The following ESR1 variants were observed in gnomAD, a reference collection of about 807,000 sequenced individuals.
ESR1 encodes estrogen receptor.
ESR1 carries 12 observed loss-of-function variants against 52.7 expected under a neutral mutation model. That is an observed-to-expected ratio of 0.23 (90% confidence interval 0.15 to 0.37). The LOEUF (loss-of-function observed/expected upper bound fraction) is 0.37, where lower values mean the gene tolerates loss of function less well. Among genes scored for constraint, ESR1 ranks in the 10% least tolerant of loss-of-function variants. The probability of loss-of-function intolerance (pLI) is 1.00; values close to 1 mark genes in which losing one functional copy is unlikely to be tolerated. For synonymous variants in ESR1, 305 were observed against 316.8 expected (o/e 0.96, Z 0.39); for missense variants, 584 against 779.7 (o/e 0.75, Z 2.99).
At chr6:151,713,904 C>T (rs1356747731) in intron 2 of ESR1, among the ~76,000 whole-genome samples, 1 of 151,914 alleles carries the variant, frequency 6.6e-6, no homozygotes, top group Non-Finnish European at 1.5e-5. Flanking sequence ...TTTGCTCTTG[C>T]TTCTCTAGTT....
At chr6:151,739,962 G>A (rs922214714) in intron 2 of ESR1, among the ~76,000 whole-genome samples, 1 of 152,038 alleles carries the variant, frequency 6.6e-6, no homozygotes, top group Non-Finnish European at 1.5e-5. Flanking sequence ...CCATGTGAGG[G>A]GCAGCACACT....
chr6:151,938,073 T>C (rs1319950573), intron 3 of ESR1, among the ~76,000 whole-genome samples: 1 of 152,230 alleles, frequency 6.6e-6, no homozygotes, highest in Non-Finnish European at 1.5e-5. Context: ...AGTGTATTTC[T>C]TTGTCTTGCC....
chr6:151,665,315 G>T (rs1777780476), intron 1 of ESR1, among the ~76,000 whole-genome samples: 1 of 152,198 alleles, frequency 6.6e-6, no homozygotes, highest in South Asian at 2.1e-4. Context: ...GCTTCATGCA[G>T]TCCGCAGATT....
Position 151,880,759 on chromosome 6 carries a change from A to G in ESR1, c.748A>G (p.Met250Val). ...CRLRKCYEVGMMKGGIRKDRR... is the reference protein window; with the variant it reads ...CRLRKCYEVGVMKGGIRKDRR... ...GCTCCGTAAATGCTACGAAGTGGGA[A>G]TGATGAAAGGTGGTAGGTACATCTC... is the stretch of plus-strand genomic sequence containing the variant. Residue 250 changes from methionine (M) to valine (V), a missense_variant, in exon 3 of 8, where the codon ATG (methionine) becomes GTG (valine). Met to Val is a conservative substitution (Grantham distance 21). Transcript: ENST00000206249. The G allele has an allele frequency of 6.3e-7, 1 of 1,581,506 alleles. No individual in the cohort carries two copies.
At chr6:152,011,100 T>A (rs950464086) in intron 4 of ESR1, among the ~76,000 whole-genome samples, 1 of 152,134 alleles carries the variant, frequency 6.6e-6, no homozygotes, top group Non-Finnish European at 1.5e-5. Flanking sequence ...TCACCTTTTT[T>A]TCCATCTGAC....
intron 4 of ESR1, among the ~76,000 whole-genome samples, chr6:151,995,063 G>A (rs543487567): frequency 6.6e-6 from 1 of 152,202 alleles, no homozygotes; most frequent in South Asian, 2.1e-4. Flanking sequence ...AAGATACAAG[G>A]AGGGTGAGAC....
chr6:151,775,521 G>A (rs1785888178), intron 2 of ESR1, among the ~76,000 whole-genome samples: 1 of 152,092 alleles, frequency 6.6e-6, no homozygotes, highest in South Asian at 2.1e-4. Context: ...GCCGAAGCGG[G>A]CGGATCACAA....
intron 2 of ESR1, among the ~76,000 whole-genome samples, chr6:151,788,079 G>A (rs1477968856): frequency 6.6e-6 from 1 of 152,124 alleles, no homozygotes; most frequent in Non-Finnish European, 1.5e-5. Context: ...GATGACAAAA[G>A]CAATTGCAAC....
At position 152,094,469 on chromosome 6, in the gene ESR1, C is replaced by A. The variant is rs2152496177; in HGVS notation, c.1454C>A (p.Thr485Asn). 6.2e-7 allele frequency: 1 copy of A among 1,614,196 alleles called. No homozygotes were observed. The highest frequency in any genetic ancestry group is 1.3e-5 in the African/African-American group (1 of 75,052). Residue 485 changes from threonine (T) to asparagine (N), a missense_variant, in exon 7 of 8, where the codon ACT becomes AAT. Thr to Asn is a moderately conservative substitution (Grantham distance 65). Transcript: ENST00000206249. The surrounding 1 kb of genome is among the most constrained non-coding windows in gnomAD (Gnocchi z 4.6). ...CGAGTCCTGGACAAGATCACAGACA[C>A]TTTGATCCACCTGATGGCCAAGGCA... The part of the protein sequence containing the change: ...IHRVLDKITD[T>N]LIHLMAKAGL...
chr6:152,035,191 C>T (rs373935900), intron 5 of ESR1, among the ~76,000 whole-genome samples: 5 of 151,978 alleles, frequency 3.3e-5, no homozygotes, highest in African/African-American at 9.7e-5. Flanking sequence ...TGCTAATATA[C>T]AATCCCACCA....
chr6:151,912,200 C>A (rs1798368885), intron 3 of ESR1, among the ~76,000 whole-genome samples: 1 of 152,164 alleles, frequency 6.6e-6, no homozygotes, highest in South Asian at 2.1e-4. Context: ...AGAGAAACTT[C>A]AAAGCATTCA....
Position 152,101,536 on chromosome 6 carries a change from G to A in ESR1, c.*2570G>A, listed in dbSNP as rs749883593. 4.8e-5 allele frequency: 11 copies of A among 231,272 alleles called. No individual in the cohort carries two copies. Among genetic ancestry groups the A allele is most frequent in the South Asian group, 1.8e-4 (1 of 5,494 alleles). The allele number at this position is 231,272 out of a possible 1,614,324, so 14.3% of individuals were successfully genotyped here. A position where few individuals can be genotyped will look rare whatever the true frequency, so the allele number is the denominator to read the frequency against. On this transcript the variant is annotated 3_prime_UTR_variant, in exon 8 of 8. Transcript: ENST00000206249. ...AGAACATCAGATGATTGAAATGTTC[G>A]CCCAGGGGTCTCCAGCAACTTTGGA...
At chr6:151,836,137 G>A (rs569717586) in intron 1 of ESR1, among the ~76,000 whole-genome samples, 85 of 152,148 alleles carry the variant, frequency 5.6e-4, no homozygotes, top group Non-Finnish European at 9.4e-4. Flanking sequence ...AAGAAAGATA[G>A]GCAGAGTGTT....
chr6:151,913,490 T>C lies in ESR1; in HGVS notation c.761-30683T>C, dbSNP rs568421924. 2.0e-5 allele frequency among the ~76,000 whole-genome samples: 3 copies of C among 152,366 alleles called. No homozygotes were observed. In the South Asian group the frequency reaches 6.2e-4, roughly 32 times the overall value. ...TTAAATGTCACCCCATTTTGAATAGTAACATTCACTGGTGCAAGGAAGAAT... is the reference window on the plus strand; with the variant it reads ...TTAAATGTCACCCCATTTTGAATAGCAACATTCACTGGTGCAAGGAAGAAT... On this transcript the variant is annotated intron_variant, in intron 3 of 7. Coordinates refer to ENST00000206249, the MANE Select transcript of ESR1 (RefSeq NM_000125.4).
Position 151,673,955 on chromosome 6 carries a change from T to C in ESR1, n.73+17192T>C, listed in dbSNP as rs895492221. On this transcript the variant is annotated intron_variant and non_coding_transcript_variant, in intron 1 of 2. Transcript: ENST00000473497. ...ACACATCTATCTATCCACATTGTGC[T>C]TAATTTGGACTTTACAACCAAGTGA... 2.0e-5 allele frequency among the ~76,000 whole-genome samples: 3 copies of C among 152,336 alleles called. No individual in the cohort carries two copies. The East Asian group carries it at 5.8e-4, about 29-fold the overall frequency.
chr6:151,945,513 G>A (rs1026344056), intron 4 of ESR1, among the ~76,000 whole-genome samples: 6 of 152,188 alleles, frequency 3.9e-5, no homozygotes, highest in Admixed American at 3.9e-4. Flanking sequence ...ACTCAAGTTT[G>A]TATGGCAACA....
At chr6:151,787,278 A>T (rs1383223656) in intron 2 of ESR1, among the ~76,000 whole-genome samples, 1 of 152,138 alleles carries the variant, frequency 6.6e-6, no homozygotes, top group Non-Finnish European at 1.5e-5. Flanking sequence ...GGATAACATG[A>T]TGCTTCCAGC....
chr6:151,959,067 G>A (rs3823020), intron 4 of ESR1, among the ~76,000 whole-genome samples: 11,669 of 151,958 alleles, frequency 0.077, 1,025 homozygotes, highest in African/African-American at 0.21. Flanking sequence ...GAACAGAGTG[G>A]GATGAAGGGT....
At chr6:151,901,828 A>G (rs375399831) in intron 3 of ESR1, among the ~76,000 whole-genome samples, 2 of 152,210 alleles carry the variant, frequency 1.3e-5, no homozygotes, top group South Asian at 4.1e-4. Context: ...CTTCCTTCAC[A>G]GGGTCTGTGG....
Sources: allele counts gnomAD v4.1 joint callset (sites outside exome capture counted in the v4.1 genomes callset), GRCh38; gene constraint gnomAD v4.1.1; non-coding constraint Gnocchi (gnomAD v3.1); transcripts MANE v1.5; gene names NCBI Gene and HGNC (gene_info 2026-07-23, HGNC 2026-07-21).